HUWE1: variants seen among roughly 807,000 people sequenced by gnomAD.
The protein encoded by HUWE1 is E3 ubiquitin-protein ligase HUWE1.
HUWE1 carries 18 observed loss-of-function variants against 299.4 expected under a neutral mutation model. That is an observed-to-expected ratio of 0.06 (90% CI 0.04 to 0.09). The LOEUF (loss-of-function observed/expected upper bound fraction) is 0.09, where lower values mean the gene tolerates loss of function less well. Among genes scored for constraint, HUWE1 ranks in the 10% least tolerant of loss-of-function variants. HUWE1 has a pLI of 1.00. For missense variants in HUWE1, 1,832 were observed against 3,462.3 expected (o/e 0.53, Z 11.82); for synonymous variants, 1,317 against 1,286.1 (o/e 1.02, Z -0.51).
chrX:53,644,457 A>G (rs1443731192), intron 7 of HUWE1, among the ~76,000 whole-genome samples: 1 of 111,943 alleles, frequency 8.9e-6, no homozygotes, highest in Non-Finnish European at 1.9e-5. Flanking sequence ...TATTTACAGT[A>G]TCTTAAGAAA....
intron 46 of HUWE1, among the ~76,000 whole-genome samples, chrX:53,574,293 T>C (rs1255616492): frequency 8.9e-6 from 1 of 112,564 alleles, no homozygotes; most frequent in Admixed American, 9.4e-5. Context: ...GGCACACTTT[T>C]ATCTAGTTCA....
At chrX:53,560,021 A>G (rs2086017529) in intron 56 of HUWE1, among the ~76,000 whole-genome samples, 167 bp downstream of exon 56, 1 of 112,087 alleles carries the variant, frequency 8.9e-6, no homozygotes, top group South Asian at 3.6e-4. Context: ...TGCACTCCCC[A>G]AAAGGCTACA....
chrX:53,573,293 G>A (rs781801335), intron 47 of HUWE1, among the ~76,000 whole-genome samples: 15 of 111,158 alleles, frequency 1.3e-4, no homozygotes, highest in African/African-American at 4.9e-4. Context: ...GCAGGTGTAC[G>A]ATGGTGCGAT....
chrX:53,599,896 G>T (rs1889144852), intron 29 of HUWE1, among the ~76,000 whole-genome samples: 1 of 111,661 alleles, frequency 9.0e-6, no homozygotes, highest in Admixed American at 9.5e-5. Context: ...AAGAAGGGAG[G>T]GTAGTAGATA....
chrX:53,540,010 A>C (rs998061238), intron 74 of HUWE1, among the ~76,000 whole-genome samples, 198 bp from the exon 75 acceptor site: 1 of 112,181 alleles, frequency 8.9e-6, no homozygotes, highest in Non-Finnish European at 1.9e-5. Flanking sequence ...GAATAAATAA[A>C]ATAATGAATC....
Position 53,577,054 on chromosome X carries a change from T to C in HUWE1, c.5730A>G (p.Glu1910=). 8.3e-7 allele frequency: 1 copy of C among 1,207,314 alleles called. No individual in the cohort carries two copies. Residue 1910 remains glutamate (E), a synonymous_variant, in exon 44 of 84, where the codon GAA becomes GAG. Transcript: ENST00000262854. The part of the protein sequence containing the change: ...PRGSGTASDD[E]FENLRIKGPN... Reference sequence around the variant, plus strand: ...GGCCTTTAATTCTAAGATTCTCAAATTCATCATCTGAAGCTAAGCCAAAAT... The same window carrying C: ...GGCCTTTAATTCTAAGATTCTCAAACTCATCATCTGAAGCTAAGCCAAAAT...
intron 33 of HUWE1, among the ~76,000 whole-genome samples, chrX:53,591,757 A>G (rs1456556534): frequency 8.9e-6 from 1 of 112,475 alleles, no homozygotes; most frequent in Non-Finnish European, 1.9e-5. Context: ...AAAATTACGA[A>G]TGCCTTTTAA....
At chrX:53,565,274 A>G in intron 49 of HUWE1, 35 bp from the exon 50 acceptor site, 1 of 1,109,818 alleles carries the variant, frequency 9.0e-7, no homozygotes, top group Non-Finnish European at 1.2e-6. Flanking sequence ...TGGACTGAGC[A>G]CAGAAATACT....
At chrX:53,669,996 TAGAA>T (rs1227678375) in intron 3 of HUWE1, among the ~76,000 whole-genome samples, 2 of 112,248 alleles carry the variant, frequency 1.8e-5, no homozygotes, top group African/African-American at 6.5e-5. Flanking sequence ...AAGATGGACT[TAGAA>T]AGCAGCCCTT....
At chrX:53,683,853 C>G (rs1436485525) in intron 2 of HUWE1, 3 of 119,086 alleles carry the variant, frequency 2.5e-5, no homozygotes, top group Non-Finnish European at 5.1e-5. Flanking sequence ...ACTGCCCCCC[C>G]ACCCCCCACC....
rs183867030 is a variant in HUWE1, at chrX:53,564,789, C to T, written c.6881-67G>A. 1.9e-5 allele frequency: 22 copies of T among 1,173,788 alleles called. No individual in the cohort carries two copies. The South Asian group carries it at 2.3e-4, about 12-fold the overall frequency. On this transcript the variant is annotated intron_variant, in intron 50 of 83. Transcript: ENST00000262854. ...TATGTGCTGGGCACCATGAGGCAAG[C>T]GCAAAGACAATAAGGTCCCTTCCTT...
chrX:53,634,217 A>G lies in HUWE1; in HGVS notation c.567+19T>C, dbSNP rs782472248. 8.6e-7 allele frequency: 1 copy of G among 1,168,489 alleles called. No homozygotes were observed. The highest frequency in any genetic ancestry group is 1.2e-6 in the Non-Finnish European group (1 of 857,558). ...CACAGCTCTGTCAAAAGACACCCAT[A>G]TCCCAAAGAGTTACTTACCATCATA... On this transcript the variant is annotated intron_variant, in intron 8 of 83. Coordinates refer to ENST00000262854, the MANE Select transcript of HUWE1 (RefSeq NM_031407.7).
At chrX:53,662,298 G>A (rs947224337) in intron 3 of HUWE1, among the ~76,000 whole-genome samples, 6 of 111,616 alleles carry the variant, frequency 5.4e-5, no homozygotes, top group African/African-American at 9.8e-5. Flanking sequence ...CTGCATAACC[G>A]CAGACAAATC....
intron 3 of HUWE1, among the ~76,000 whole-genome samples, chrX:53,668,561 C>T (rs933912402): frequency 1.8e-5 from 2 of 111,204 alleles, no homozygotes; most frequent in African/African-American, 6.5e-5. Flanking sequence ...GCCTAAATTC[C>T]ATTTACTAGG....
At chrX:53,663,514 G>A (rs2069111084) in intron 3 of HUWE1, among the ~76,000 whole-genome samples, 1 of 110,406 alleles carries the variant, frequency 9.1e-6, no homozygotes, top group Admixed American at 9.6e-5. Flanking sequence ...ACTCCATCTC[G>A]GGGGAAAAAA....
chrX:53,589,935 G>T, intron 35 of HUWE1, 119 bp from the exon 36 acceptor site: 1 of 780,543 alleles, frequency 1.3e-6, no homozygotes, highest in Non-Finnish European at 1.9e-6. Flanking sequence ...CTCCTCAAGC[G>T]GTTGATACTT....
At chrX:53,685,786 C>T (rs1028457143) in intron 2 of HUWE1, among the ~76,000 whole-genome samples, 4 of 111,933 alleles carry the variant, frequency 3.6e-5, no homozygotes, top group African/African-American at 1.3e-4. Flanking sequence ...AATGCATATA[C>T]ACCCTGACCC....
At chrX:53,545,458 A>C (rs1206406941) in intron 70 of HUWE1, among the ~76,000 whole-genome samples, 2 of 111,702 alleles carry the variant, frequency 1.8e-5, no homozygotes, top group Admixed American at 1.9e-4. Context: ...AATCCCATAT[A>C]TCTCTCAAAA....
intron 41 of HUWE1, 112 bp from the exon 42 acceptor site, chrX:53,584,028 G>A: frequency 1.2e-6 from 1 of 803,747 alleles, no homozygotes; most frequent in African/African-American, 2.0e-5. Context: ...AGAGAAGCAT[G>A]CCAAATACCA....
Sources: allele counts gnomAD v4.1 joint callset (sites outside exome capture counted in the v4.1 genomes callset), GRCh38; gene constraint gnomAD v4.1.1; transcripts MANE v1.5; gene names NCBI Gene and HGNC (gene_info 2026-07-23, HGNC 2026-07-21).